The following CEMIP variants were observed in gnomAD, a reference collection of about 807,000 sequenced individuals.
CEMIP encodes the protein cell migration inducing hyaluronidase 1.
In CEMIP, 105 loss-of-function variants were observed where a neutral mutation model predicts 156.9. The observed-to-expected ratio is 0.67, with a 90% confidence interval of 0.57 to 0.79. CEMIP has a LOEUF of 0.79. Ranked by LOEUF, CEMIP falls within the 30% of genes least tolerant of loss-of-function variation. The pLI is 0.00. For synonymous variants in CEMIP, 676 were observed against 668.4 expected (o/e 1.01, Z -0.17); for missense variants, 1,457 against 1,769.4 (o/e 0.82, Z 3.17).
chr15:80,860,986 T>C (rs1897970837), intron 1 of CEMIP, among the ~76,000 whole-genome samples: 1 of 152,060 alleles, frequency 6.6e-6, no homozygotes, highest in Non-Finnish European at 1.5e-5. Context: ...CTCTGCTTGA[T>C]TTCTCTCTGT....
intron 25 of CEMIP, among the ~76,000 whole-genome samples, chr15:80,939,362 C>CA (rs1399268738): frequency 6.6e-6 from 1 of 152,146 alleles, no homozygotes; most frequent in Non-Finnish European, 1.5e-5. Context: ...GGGGAGGGCC[C>CA]AGGGGCCAGG....
chr15:80,900,656 GTGTGTCTGTGTGTGTGTGTGTATTT>G (rs1567091030), intron 12 of CEMIP, among the ~76,000 whole-genome samples: 8 of 140,604 alleles, frequency 5.7e-5, no homozygotes, highest in African/African-American at 1.4e-4. Context: ...GTGTCTGTGT[GTGTGTCTGTGTGTGTGTGTGTATTT>G]TGTGTGTGTA....
At chr15:80,907,314 A>G (rs1324801333) in intron 13 of CEMIP, among the ~76,000 whole-genome samples, 1 of 152,198 alleles carries the variant, frequency 6.6e-6, no homozygotes, top group Non-Finnish European at 1.5e-5. Flanking sequence ...TGTAATCCCA[A>G]CACTTTGGGG....
At chr15:80,814,842 G>A (rs1443295954) in intron 1 of CEMIP, among the ~76,000 whole-genome samples, 1 of 152,142 alleles carries the variant, frequency 6.6e-6, no homozygotes, top group Non-Finnish European at 1.5e-5. Flanking sequence ...AATTCTAGGG[G>A]TGTGCTTTCT....
chr15:80,838,066 G>C (rs369686733), intron 1 of CEMIP, among the ~76,000 whole-genome samples: 2 of 152,328 alleles, frequency 1.3e-5, no homozygotes, highest in South Asian at 2.1e-4. Flanking sequence ...CTATGCTGCT[G>C]TTCCCTGCCC....
At chr15:80,921,788 G>C (rs1900480315) in intron 16 of CEMIP, among the ~76,000 whole-genome samples, 1 of 152,218 alleles carries the variant, frequency 6.6e-6, no homozygotes, top group Non-Finnish European at 1.5e-5. Flanking sequence ...GATAGAGTAG[G>C]GCCCATCAAG....
intron 1 of CEMIP, among the ~76,000 whole-genome samples, chr15:80,809,274 G>T (rs1896597067): frequency 6.6e-6 from 1 of 152,146 alleles, no homozygotes; most frequent in Non-Finnish European, 1.5e-5. Context: ...TAGGGGAAAG[G>T]TTGAGTCAAT....
chr15:80,800,274 C>T (rs1896343247), intron 1 of CEMIP, among the ~76,000 whole-genome samples: 4 of 152,018 alleles, frequency 2.6e-5, no homozygotes, highest in Non-Finnish European at 4.4e-5. Context: ...CCATGTGAGT[C>T]GTATGGTGGG....
chr15:80,905,361 C>T (rs890522575), intron 12 of CEMIP, among the ~76,000 whole-genome samples: 13 of 152,198 alleles, frequency 8.5e-5, no homozygotes, highest in African/African-American at 1.2e-4. Context: ...AAGAGCCCAA[C>T]GAATTTAGAG....
intron 1 of CEMIP, among the ~76,000 whole-genome samples, chr15:80,818,999 T>A (rs1896852807): frequency 6.6e-6 from 1 of 152,178 alleles, no homozygotes. Flanking sequence ...AAGGACCAGG[T>A]TATCTCTGCA....
chr15:80,826,111 G>C (rs1289389397), intron 1 of CEMIP, among the ~76,000 whole-genome samples: 2 of 152,168 alleles, frequency 1.3e-5, no homozygotes, highest in African/African-American at 4.8e-5. Flanking sequence ...CCTTCTGCAT[G>C]CTAGGCTGCT....
chr15:80,784,200 T>A (rs932857941), intron 1 of CEMIP, among the ~76,000 whole-genome samples: 2 of 152,226 alleles, frequency 1.3e-5, no homozygotes, highest in Non-Finnish European at 2.9e-5. Context: ...TGAAAACCTT[T>A]GAAGACCAGG....
intron 19 of CEMIP, among the ~76,000 whole-genome samples, chr15:80,926,313 T>A (rs184474954): frequency 2.6e-5 from 4 of 152,158 alleles, no homozygotes; most frequent in Non-Finnish European, 1.5e-5. Flanking sequence ...GAGGTCCCTA[T>A]GTGAGTGACT....
At chr15:80,888,922 T>A in intron 9 of CEMIP, 126 bp downstream of exon 9, 4 of 897,202 alleles carry the variant, frequency 4.5e-6, no homozygotes, top group South Asian at 1.4e-5. Context: ...CAGAATCAAC[T>A]AAAAATGTGC....
chr15:80,904,268 G>A (rs1440327020), intron 12 of CEMIP, among the ~76,000 whole-genome samples: 1 of 152,202 alleles, frequency 6.6e-6, no homozygotes, highest in Admixed American at 6.5e-5. Context: ...GCACCCACCT[G>A]TAGTCCCAGC....
intron 1 of CEMIP, among the ~76,000 whole-genome samples, chr15:80,797,939 T>C (rs1437374294): frequency 6.6e-6 from 1 of 152,258 alleles, no homozygotes; most frequent in East Asian, 1.9e-4. Flanking sequence ...AACATTTGGG[T>C]CTGTGCTCTA....
intron 6 of CEMIP, among the ~76,000 whole-genome samples, chr15:80,883,205 A>C (rs1317203132): frequency 6.6e-6 from 1 of 152,236 alleles, no homozygotes; most frequent in Non-Finnish European, 1.5e-5. Flanking sequence ...GTAATTGCAT[A>C]AAATCTTTAT....
intron 1 of CEMIP, among the ~76,000 whole-genome samples, chr15:80,865,557 T>C (rs2141780589): frequency 6.6e-6 from 1 of 152,292 alleles, no homozygotes; most frequent in Admixed American, 6.5e-5. Context: ...ATGGCTACTG[T>C]ACTGGACAGC....
intron 1 of CEMIP, among the ~76,000 whole-genome samples, chr15:80,870,657 C>T (rs1056335652): frequency 2.6e-5 from 4 of 152,218 alleles, no homozygotes; most frequent in African/African-American, 9.6e-5. Flanking sequence ...CAAGCAACGC[C>T]TCCTGCCCCT....
Sources: allele counts gnomAD v4.1 joint callset (sites outside exome capture counted in the v4.1 genomes callset), GRCh38; gene constraint gnomAD v4.1.1; transcripts MANE v1.5; gene names NCBI Gene and HGNC (gene_info 2026-07-23, HGNC 2026-07-21).